Variants in ZNF44 observed in about 807,000 individuals in gnomAD.
ZNF44 encodes zinc finger protein 44, also known as gonadotropin inducible transcription repressor-2.
Under a neutral mutation model 11.7 loss-of-function variants are expected in ZNF44, and 9 were observed. That is an observed-to-expected ratio of 0.77 (90% CI 0.46 to 1.35). ZNF44 has a LOEUF of 1.35. Among genes scored for constraint, ZNF44 ranks in the 40% most tolerant of loss-of-function variants. The probability of loss-of-function intolerance (pLI) is 0.00; values close to 1 mark genes in which losing one functional copy is unlikely to be tolerated. For synonymous variants in ZNF44, 224 were observed against 242.7 expected (o/e 0.92, Z 0.72); for missense variants, 696 against 743.1 (o/e 0.94, Z 0.74).
intron 1 of ZNF44, chr19:12,293,256 C>T: frequency 6.5e-7 from 1 of 1,536,890 alleles, no homozygotes; most frequent in Non-Finnish European, 8.7e-7. Flanking sequence ...GGCCCCACTC[C>T]AACACCTCAG....
chr19:12,293,115 C>A, intron 1 of ZNF44: 1 of 1,272,290 alleles, frequency 7.9e-7, no homozygotes, highest in South Asian at 1.5e-5. Flanking sequence ...GGTGATCCGC[C>A]CGCCTCGGCT....
intron 5 of ZNF44, among the ~76,000 whole-genome samples, chr19:12,265,390 CAAACA>C (rs972209298): frequency 6.6e-6 from 1 of 151,884 alleles, no homozygotes; most frequent in Non-Finnish European, 1.5e-5. Flanking sequence ...CTCAAACAAA[CAAACA>C]AAAAAAGCAG....
intron 1 of ZNF44, chr19:12,285,287 C>T (rs1760949569): frequency 3.9e-6 from 1 of 256,858 alleles, no homozygotes; most frequent in Non-Finnish European, 7.3e-6. Flanking sequence ...CAGATTTTCA[C>T]TCTTGTTGCC....
intron 5 of ZNF44, among the ~76,000 whole-genome samples, chr19:12,251,735 G>A (rs1917003851): frequency 6.6e-6 from 1 of 152,148 alleles, no homozygotes; most frequent in Non-Finnish European, 1.5e-5. Flanking sequence ...GGGACTTGCT[G>A]ACCTTGAGGA....
chr19:12,227,560 C>G (rs1392483428), intron 3 of ZNF44, among the ~76,000 whole-genome samples: 1 of 152,206 alleles, frequency 6.6e-6, no homozygotes, highest in Non-Finnish European at 1.5e-5. Context: ...GAGCCAAGAT[C>G]GTGCCATTGC....
Position 12,273,889 on chromosome 19 carries a change from G to A in ZNF44, c.366C>T (p.Ile122=). Residue 122 remains isoleucine, a synonymous_variant, in exon 4 of 4, where the codon ATC becomes ATT. Coordinates refer to ENST00000355684, the MANE Select transcript of ZNF44 (RefSeq NM_016264.4). ...IMGHSSLNCY[I]RVDTGHKHRE... ...GGTGTTTGTGTCCAGTATCAACTCTGATGTAGCAATTCAGGGATGAATGAC... is the reference window on the plus strand; with the variant it reads ...GGTGTTTGTGTCCAGTATCAACTCTAATGTAGCAATTCAGGGATGAATGAC... 1 of 1,614,148 alleles carries A rather than the reference G, an allele frequency of 6.2e-7. No individual in the cohort carries two copies. Among genetic ancestry groups the A allele is most frequent in the Non-Finnish European group, 8.5e-7 (1 of 1,180,040 alleles).
At chr19:12,240,549 C>T (rs1395743033), upstream of ZNF44, among the ~76,000 whole-genome samples, 3 of 151,990 alleles carry the variant, frequency 2.0e-5, no homozygotes, top group South Asian at 4.1e-4. Flanking sequence ...CTCACGCTTC[C>T]TGATTTCAAA....
intron 5 of ZNF44, among the ~76,000 whole-genome samples, chr19:12,264,303 T>C (rs1273101283): frequency 6.6e-6 from 1 of 152,164 alleles, no homozygotes; most frequent in Non-Finnish European, 1.5e-5. Flanking sequence ...CGTGAGTACG[T>C]AGGACACCTG....
chr19:12,247,148 C>T (rs1344032330), downstream of ZNF44: 1 of 288,904 alleles, frequency 3.5e-6, no homozygotes, highest in Non-Finnish European at 5.7e-6. Context: ...GAGCATTCTA[C>T]CTGAATTAAG....
chr19:12,274,844 A>G (rs1205905702), intron 3 of ZNF44, 129 bp downstream of exon 3: 1 of 588,996 alleles, frequency 1.7e-6, no homozygotes, highest in Non-Finnish European at 2.9e-6. Context: ...ATATTTTTAT[A>G]GAGAAATTTT....
chr19:12,265,957 C>T (rs1388973314), intron 5 of ZNF44, among the ~76,000 whole-genome samples: 1 of 152,230 alleles, frequency 6.6e-6, no homozygotes, highest in African/African-American at 2.4e-5. Context: ...GCACCCAAGG[C>T]GGGAATTCTC....
rs2145673120 is a variant in ZNF44 at position 12,229,485 on chromosome 19, A to C, written n.436+975T>G. Among the ~76,000 whole-genome samples the C allele has an allele frequency of 2.6e-5, 4 of 152,350 alleles. No individual in the cohort carries two copies. In the Middle Eastern group the frequency reaches 0.01, roughly 389 times the overall value. On this transcript the variant is annotated intron_variant and non_coding_transcript_variant, in intron 3 of 3. Transcript: ENST00000597563. ...CACCAAGAGTGGCAAGACAGAGTGG[A>C]AAAAAGTAATTCAGTTAACTGGGAA... is the stretch of plus-strand genomic sequence containing the variant.
downstream of ZNF44, among the ~76,000 whole-genome samples, chr19:12,268,672 C>T (rs1917830418): frequency 6.6e-6 from 1 of 152,078 alleles, no homozygotes; most frequent in South Asian, 2.1e-4. Context: ...CAGCCTCAAA[C>T]TCCTGGGTTC....
At chr19:12,290,401 A>C (rs992160614) in intron 1 of ZNF44, among the ~76,000 whole-genome samples, 5 of 148,936 alleles carry the variant, frequency 3.4e-5, no homozygotes, top group African/African-American at 1.2e-4. Flanking sequence ...TAAACAAAAA[A>C]AAAAAAAAGG....
At chr19:12,287,714 G>A (rs1168651135) in intron 1 of ZNF44, among the ~76,000 whole-genome samples, 1 of 152,100 alleles carries the variant, frequency 6.6e-6, no homozygotes, top group African/African-American at 2.4e-5. Context: ...TTCTGTTGAT[G>A]GACACTTAGG....
At chr19:12,254,473 C>T (rs1022557061) in intron 5 of ZNF44, among the ~76,000 whole-genome samples, 3 of 152,214 alleles carry the variant, frequency 2.0e-5, no homozygotes, top group Non-Finnish European at 2.9e-5. Flanking sequence ...GTGGCTCACA[C>T]GTGCAATCCC....
chr19:12,285,266 G>A (rs968798731), intron 1 of ZNF44: 96 of 301,818 alleles, frequency 3.2e-4, no homozygotes, highest in Middle Eastern at 9.2e-4. Flanking sequence ...TTGTTTGTTT[G>A]TTTTTTGAGA....
rs137984148 is a variant in ZNF44 at position 12,275,985 on chromosome 19, C to G, written c.101G>C (p.Arg34Pro). The stretch of plus-strand genomic sequence containing the variant: ...ACAGTTCAGGTTCCTAATGGTTTCT[C>G]GCATCACATCTCTGTAGAGATTCTT... ...SQKNLYRDVM[R>P]ETIRNLNCIG... The change falls in exon 2 of 4, where the codon CGA becomes CCA. Residue 34 changes from arginine to proline, a missense_variant. Coordinates refer to ENST00000355684, the MANE Select transcript of ZNF44 (RefSeq NM_016264.4). 7,043 of 1,607,834 alleles carry G rather than the reference C, an allele frequency of 4.4e-3. 29 individuals are homozygous for G. The highest frequency in any genetic ancestry group is 5.2e-3 in the Non-Finnish European group (6,171 of 1,175,796).
In ZNF44 at chr19:12,273,366, G is replaced by T. The variant is rs376006939; in HGVS notation, c.889C>A (p.Arg297=). The change falls in exon 4 of 4, where the codon CGA becomes AGA. Residue 297 remains arginine, a synonymous_variant. Coordinates refer to ENST00000355684, the MANE Select transcript of ZNF44 (RefSeq NM_016264.4). ...CCAGTGTGAATTCTTTCATGTACTC[G>T]AAGGGAACCGGAAACACTGAAGGCT... ...GKAFSVSGSL[R]VHERIHTGEK... 1.2e-6 allele frequency: 2 copies of T among 1,613,756 alleles called. No homozygotes were observed. Among genetic ancestry groups the T allele is most frequent in the Non-Finnish European group, 1.7e-6 (2 of 1,179,886 alleles).
Sources: gnomAD v4.1 joint callset for allele counts (sites outside exome capture counted in the v4.1 genomes callset) on GRCh38, gnomAD v4.1.1 for gene constraint, MANE v1.5 for transcripts, NCBI Gene and HGNC (gene_info 2026-07-23, HGNC 2026-07-21) for gene names.